Variants in DPY19L3 observed in about 807,000 individuals in gnomAD.
DPY19L3 encodes protein C-mannosyl-transferase DPY19L3.
DPY19L3 carries 51 observed loss-of-function variants against 92.3 expected under a neutral mutation model. The ratio of observed to expected loss-of-function variants is 0.55; its 90% CI spans 0.44 to 0.70. The LOEUF is 0.70. Ranked by LOEUF, DPY19L3 falls within the 30% of genes least tolerant of loss-of-function variation. The probability of loss-of-function intolerance (pLI) is 0.00; values close to 1 mark genes in which losing one functional copy is unlikely to be tolerated. For synonymous variants in DPY19L3, 309 were observed against 315.2 expected (o/e 0.98, Z 0.21); for missense variants, 706 against 855.9 (o/e 0.82, Z 2.18).
chr19:32,420,537 C>T (rs535765181), intron 3 of DPY19L3, among the ~76,000 whole-genome samples: 60 of 151,824 alleles, frequency 4.0e-4, no homozygotes, highest in Non-Finnish European at 7.1e-4. Flanking sequence ...CTTTGCCTCC[C>T]GAGTTCAAGC....
intron 16 of DPY19L3, among the ~76,000 whole-genome samples, chr19:32,473,439 A>G (rs886208195): frequency 6.6e-6 from 1 of 152,268 alleles, no homozygotes; most frequent in African/African-American, 2.4e-5. Context: ...GTATCAGGCA[A>G]GAGTGTCTGT....
intron 12 of DPY19L3, among the ~76,000 whole-genome samples, chr19:32,460,449 T>C (rs543843053): frequency 1.3e-5 from 2 of 152,268 alleles, no homozygotes; most frequent in South Asian, 4.2e-4. Flanking sequence ...TTAAACATTG[T>C]ATACCTATAT....
At chr19:32,477,986 C>G (rs1268342134) in intron 17 of DPY19L3, among the ~76,000 whole-genome samples, 1 of 152,152 alleles carries the variant, frequency 6.6e-6, no homozygotes, top group Non-Finnish European at 1.5e-5. Context: ...ACCATCAGAT[C>G]TCATGAGATG....
rs73036044 is a variant in DPY19L3, at chr19:32,468,995, T to C, written c.1697+182T>C. On this transcript the variant is annotated intron_variant, in intron 16 of 18. Transcript: ENST00000392250. ...ATAATGTCTTTCTATTTAAGAAATATTCTCTCCAGCTATATCTCATGAAGA... is the reference window on the plus strand; with the variant it reads ...ATAATGTCTTTCTATTTAAGAAATACTCTCTCCAGCTATATCTCATGAAGA... 2,668 of 493,228 alleles carry C rather than the reference T, an allele frequency of 5.4e-3. 14 individuals carry two copies. The highest frequency in any genetic ancestry group is 6.8e-3 in the Non-Finnish European group (2,068 of 302,616). 30.6% of individuals were successfully genotyped at this position (493,228 alleles called of 1,614,324 possible). A position where few individuals can be genotyped will look rare whatever the true frequency, so the allele number is the denominator to read the frequency against.
chr19:32,455,816 T>C (rs891313822), intron 10 of DPY19L3, among the ~76,000 whole-genome samples: 17 of 152,264 alleles, frequency 1.1e-4, no homozygotes, highest in African/African-American at 4.1e-4. Context: ...AATGTTTTTA[T>C]TGGCGTTTTA....
chr19:32,470,648 GA>G (rs1295839222), intron 16 of DPY19L3, among the ~76,000 whole-genome samples: 1 of 152,160 alleles, frequency 6.6e-6, no homozygotes, highest in Non-Finnish European at 1.5e-5. Context: ...GATGAGAGAT[GA>G]TTCCAGGTGT....
At chr19:32,433,322 G>T (rs923525824) in intron 4 of DPY19L3, among the ~76,000 whole-genome samples, 21 of 152,146 alleles carry the variant, frequency 1.4e-4, no homozygotes, top group African/African-American at 5.1e-4. Context: ...ATACTTGATC[G>T]GCTTAGCATG....
intron 3 of DPY19L3, among the ~76,000 whole-genome samples, chr19:32,413,455 T>A (rs1011403107): frequency 2.0e-5 from 3 of 151,574 alleles, no homozygotes; most frequent in East Asian, 1.9e-4. Context: ...TTTTTTTTTT[T>A]AATTATTATT....
chr19:32,483,746 C>T lies in DPY19L3; in HGVS notation c.*1506C>T, dbSNP rs1220315794. ...TTATTAAATTATGCAACTGAAACTCCTGAATTATATCTTTTCTGTATCCCT... is the reference window on the plus strand; with the variant it reads ...TTATTAAATTATGCAACTGAAACTCTTGAATTATATCTTTTCTGTATCCCT... On this transcript the variant is annotated 3_prime_UTR_variant, in exon 19 of 19. Coordinates refer to ENST00000392250, the MANE Select transcript of DPY19L3 (RefSeq NM_001172774.2). The T allele has an allele frequency of 6.6e-6, 1 of 152,188 alleles. No individual in the cohort carries two copies. Among genetic ancestry groups the T allele is most frequent in the African/African-American group, 2.4e-5 (1 of 41,398 alleles). 9.4% of individuals were successfully genotyped at this position (152,188 alleles called of 1,614,324 possible). A position where few individuals can be genotyped will look rare whatever the true frequency, so the allele number is the denominator to read the frequency against.
At chr19:32,441,494 C>CTTTTTTTT (rs11326098) in intron 8 of DPY19L3, among the ~76,000 whole-genome samples, 5 of 130,212 alleles carry the variant, frequency 3.8e-5, no homozygotes, top group Non-Finnish European at 6.4e-5. Context: ...ACATGTGTCT[C>CTTTTTTTT]TTTTTTTTTT....
At chr19:32,450,285 A>T (rs1337097377) in intron 8 of DPY19L3, among the ~76,000 whole-genome samples, 1 of 152,218 alleles carries the variant, frequency 6.6e-6, no homozygotes, top group Non-Finnish European at 1.5e-5. Context: ...TGATGATGGG[A>T]TTATAAGATG....
At chr19:32,479,214 T>G (rs1390798555) in intron 17 of DPY19L3, among the ~76,000 whole-genome samples, 1 of 152,148 alleles carries the variant, frequency 6.6e-6, no homozygotes, top group African/African-American at 2.4e-5. Context: ...CCTGCTAAAA[T>G]AGGAATTTTT....
chr19:32,427,195 A>G (rs1314397201), intron 3 of DPY19L3, among the ~76,000 whole-genome samples: 1 of 152,122 alleles, frequency 6.6e-6, no homozygotes, highest in African/African-American at 2.4e-5. Flanking sequence ...GGGTCTTGCC[A>G]TGTTGCCTAG....
intron 12 of DPY19L3, among the ~76,000 whole-genome samples, chr19:32,459,443 G>T (rs1969971520): frequency 6.6e-6 from 1 of 152,208 alleles, no homozygotes; most frequent in Non-Finnish European, 1.5e-5. Context: ...GAGCAGTTGA[G>T]AGGTTTTATG....
At chr19:32,410,543 C>T (rs959016063) in intron 2 of DPY19L3, among the ~76,000 whole-genome samples, 1 of 152,074 alleles carries the variant, frequency 6.6e-6, no homozygotes, top group South Asian at 2.1e-4. Context: ...CTTTAGGATC[C>T]CAGCTTGGGT....
chr19:32,454,842 G>A, intron 9 of DPY19L3, 97 bp from the exon 10 acceptor site: 1 of 746,300 alleles, frequency 1.3e-6, no homozygotes, highest in Non-Finnish European at 2.2e-6. Context: ...TATGTTATAT[G>A]AGCCAGTGTT....
chr19:32,439,779 C>T lies in DPY19L3; in HGVS notation c.724C>T (p.Leu242=). Residue 242 remains leucine (L), a synonymous_variant, in exon 8 of 19, where the codon CTG becomes TTG. Transcript: ENST00000392250. Reference sequence around the variant, plus strand: ...TACAAAGGTTTTCTTTTTACAGAGGCTGACACTTCTTGCCATTTTCATATC... The same window carrying T: ...TACAAAGGTTTTCTTTTTACAGAGGTTGACACTTCTTGCCATTTTCATATC... ...RPNLQPLSER[L]TLLAIFISTF... 6.2e-7 allele frequency: 1 copy of T among 1,613,078 alleles called. No individual in the cohort carries two copies. The highest frequency in any genetic ancestry group is 8.5e-7 in the Non-Finnish European group (1 of 1,179,530).
chr19:32,453,261 T>G lies in DPY19L3; in HGVS notation c.972T>G (p.Ile324Met). Reference protein sequence around the residue: ...LLISFNLSVFIARKLQKNLKT... With the variant: ...LLISFNLSVFMARKLQKNLKT... ...TCAGTTTTAACCTTTCAGTATTCAT[T>G]GCAAGAAAACTTCAGGTAGGACTTT... Residue 324 changes from isoleucine (I) to methionine (M), a missense_variant, in exon 9 of 19, where the codon ATT becomes ATG. Coordinates refer to ENST00000392250, the MANE Select transcript of DPY19L3 (RefSeq NM_001172774.2). The G allele has an allele frequency of 6.2e-7, 1 of 1,607,796 alleles. No individual in the cohort carries two copies. The highest frequency in any genetic ancestry group is 8.5e-7 in the Non-Finnish European group (1 of 1,178,666).
chr19:32,476,275 C>T (rs899296150), intron 16 of DPY19L3, among the ~76,000 whole-genome samples: 4 of 152,222 alleles, frequency 2.6e-5, no homozygotes, highest in Admixed American at 2.6e-4. Flanking sequence ...GGAGAACAGC[C>T]TGCCATGGCT....
Sources: gnomAD v4.1 joint callset for allele counts (sites outside exome capture counted in the v4.1 genomes callset) on GRCh38, gnomAD v4.1.1 for gene constraint, MANE v1.5 for transcripts, NCBI Gene and HGNC (gene_info 2026-07-23, HGNC 2026-07-21) for gene names.